HECA: variants seen among roughly 807,000 people sequenced by gnomAD.
HECA encodes headcase protein homolog.
HECA carries 13 observed loss-of-function variants against 37.6 expected under a neutral mutation model. That is an observed-to-expected ratio of 0.35 (90% CI 0.23 to 0.55). The LOEUF (loss-of-function observed/expected upper bound fraction) is 0.55. Ranked by LOEUF, HECA falls within the 20% of genes least tolerant of loss-of-function variation. The pLI is 0.90. For synonymous variants in HECA, 307 were observed against 291.5 expected (o/e 1.05, Z -0.54); for missense variants, 527 against 701.9 (o/e 0.75, Z 2.82).
At chr6:139,144,318 G>A (rs1774553129) in intron 1 of HECA, 1 of 152,252 alleles carries the variant, frequency 6.6e-6, no homozygotes, top group Non-Finnish European at 1.5e-5. Flanking sequence ...GAAGCTGGCA[G>A]AGAGACATGG....
intron 1 of HECA, among the ~76,000 whole-genome samples, chr6:139,158,231 G>T (rs935133647): frequency 2.0e-5 from 3 of 151,716 alleles, no homozygotes; most frequent in Non-Finnish European, 4.4e-5. Context: ...GGCTGGGCTC[G>T]GTGGCTCATG....
At position 139,179,515 on chromosome 6, in the gene HECA, G is replaced by A. The variant is rs932165055; in HGVS notation, c.*2410G>A. On this transcript the variant is annotated 3_prime_UTR_variant, in exon 4 of 4. Coordinates refer to ENST00000367658, the MANE Select transcript of HECA (RefSeq NM_016217.3). ...AAAGTTTACTCTTGGACATTATTTC[G>A]ATGCTAAAGTAAGGATTCTGTGGAT... The A allele has an allele frequency of 6.6e-5, 10 of 152,110 alleles. No individual in the cohort carries two copies. Among genetic ancestry groups the A allele is most frequent in the African/African-American group, 1.9e-4 (8 of 41,420 alleles). 9.4% of individuals were successfully genotyped at this position (152,110 alleles called of 1,614,324 possible).
At chr6:139,140,514 G>A (rs1346503679) in intron 1 of HECA, among the ~76,000 whole-genome samples, 1 of 152,152 alleles carries the variant, frequency 6.6e-6, no homozygotes, top group African/African-American at 2.4e-5. Flanking sequence ...GCGCAGTCTC[G>A]TCTTTCTCTC....
chr6:139,159,393 A>G (rs920126320), intron 1 of HECA: 2 of 152,240 alleles, frequency 1.3e-5, no homozygotes, highest in Non-Finnish European at 2.9e-5. Flanking sequence ...TGTAATAACC[A>G]GTTCACTTTT....
At position 139,135,262 on chromosome 6, in the gene HECA, C is replaced by T. The variant is rs1228464510; in HGVS notation, c.-135C>T. ...GCGCGGCACGGGCCGTGCGGCTAGA[C>T]GGGAGCCGAGGGAACCGCCGGCTCG... On this transcript the variant is annotated 5_prime_UTR_variant, in exon 1 of 4. The change creates a new upstream start codon in the 5' untranslated region. Transcript: ENST00000367658. 1.5e-6 allele frequency: 1 copy of T among 680,394 alleles called. No homozygotes were observed. The highest frequency in any genetic ancestry group is 1.9e-6 in the Non-Finnish European group (1 of 523,754). 42.1% of individuals were successfully genotyped at this position (680,394 alleles called of 1,614,324 possible).
In HECA at chr6:139,180,358, C is replaced by T. The variant is rs1364217510; in HGVS notation, c.*3253C>T. ...TTTGTTTAGTCCTGCAAGACTGATG[C>T]TTAATACACAGTCTGTTCTCCTGTG... is the stretch of plus-strand genomic sequence containing the variant. On this transcript the variant is annotated 3_prime_UTR_variant, in exon 4 of 4. Coordinates refer to ENST00000367658, the MANE Select transcript of HECA (RefSeq NM_016217.3). 1 of 152,592 alleles carries T rather than the reference C, an allele frequency of 6.6e-6. No individual in the cohort carries two copies. The highest frequency in any genetic ancestry group is 1.5e-5 in the Non-Finnish European group (1 of 68,026). The allele number at this position is 152,592 out of a possible 1,614,324, so 9.5% of individuals were successfully genotyped here.
intron 1 of HECA, among the ~76,000 whole-genome samples, chr6:139,163,018 A>G (rs554427803): frequency 6.6e-6 from 1 of 151,962 alleles, no homozygotes; most frequent in East Asian, 1.9e-4. Context: ...CTCACTGTCT[A>G]CCTCTGACCT....
chr6:139,166,845 C>G lies in HECA; in HGVS notation c.833C>G (p.Ser278Cys), dbSNP rs376450330. ...GGCCAGTCCCCACCCACGGGCTACT[C>G]CATCCTCTCTCCTGCCCACTTCAGC... ...SPGQSPPTGYSILSPAHFSGP... is the reference protein window; with the variant it reads ...SPGQSPPTGYCILSPAHFSGP... The change falls in exon 2 of 4, where the codon TCC becomes TGC. Residue 278 changes from serine to cysteine, a missense_variant. Around this residue, in one of 4 missense-constraint regions of HECA, gnomAD observed 228 missense variants for 259.8 expected, o/e 0.88. Coordinates refer to ENST00000367658, the MANE Select transcript of HECA (RefSeq NM_016217.3). 1 of 1,613,902 alleles carries G rather than the reference C, an allele frequency of 6.2e-7. No homozygotes were observed. The highest frequency in any genetic ancestry group is 1.6e-4 in the Middle Eastern group (1 of 6,062).
intron 1 of HECA, among the ~76,000 whole-genome samples, chr6:139,149,660 C>G (rs984040568): frequency 6.6e-6 from 1 of 152,154 alleles, no homozygotes; most frequent in African/African-American, 2.4e-5. Flanking sequence ...AAGTTTGGAT[C>G]TGGGAGCTCT....
chr6:139,147,744 A>G (rs147542530), intron 1 of HECA, among the ~76,000 whole-genome samples: 4 of 152,366 alleles, frequency 2.6e-5, no homozygotes, highest in African/African-American at 9.6e-5. Context: ...TCTATCACAG[A>G]AGGACTTCCT....
intron 1 of HECA, among the ~76,000 whole-genome samples, chr6:139,142,038 T>G (rs1267739794): frequency 6.6e-6 from 1 of 151,004 alleles, no homozygotes; most frequent in Non-Finnish European, 1.5e-5. Context: ...GCCATTCTCC[T>G]GCCTCAGCCT....
rs1775098894 is a variant in HECA at position 139,179,176 on chromosome 6, T to A, written c.*2071T>A. On this transcript the variant is annotated 3_prime_UTR_variant, in exon 4 of 4. Coordinates refer to ENST00000367658, the MANE Select transcript of HECA (RefSeq NM_016217.3). ...TGTAGTGGTGAATTAACTATCTCCT[T>A]ATTGATTCTCTCCTGTACCCAGATG... is the stretch of plus-strand genomic sequence containing the variant. 6.6e-6 allele frequency: 1 copy of A among 152,256 alleles called. No individual in the cohort carries two copies. The highest frequency in any genetic ancestry group is 1.5e-5 in the Non-Finnish European group (1 of 68,042). The allele number at this position is 152,256 out of a possible 1,614,324, so 9.4% of individuals were successfully genotyped here.
chr6:139,177,378 G>T lies in HECA; in HGVS notation c.*273G>T. On this transcript the variant is annotated 3_prime_UTR_variant, in exon 4 of 4. Transcript: ENST00000367658. This position sits in a 1 kb window ranked among gnomAD's most constrained non-coding sequence, Gnocchi z 4.9. ...ATCTTTGATGCAGCTTTAAGATGGTGGGGAGGATGGGGTGAATTTAGGAAA... is the reference window on the plus strand; with the variant it reads ...ATCTTTGATGCAGCTTTAAGATGGTTGGGAGGATGGGGTGAATTTAGGAAA... 4.0e-6 allele frequency: 1 copy of T among 250,846 alleles called. No homozygotes were observed. The highest frequency in any genetic ancestry group is 2.2e-5 in the African/African-American group (1 of 45,154). 15.5% of individuals were successfully genotyped at this position (250,846 alleles called of 1,614,324 possible).
At chr6:139,144,413 C>G (rs991874495) in intron 1 of HECA, 2 of 152,298 alleles carry the variant, frequency 1.3e-5, no homozygotes, top group African/African-American at 4.8e-5. Context: ...TGAGCTGAGT[C>G]TTGCAGGAAG....
chr6:139,147,004 A>G (rs963778664), intron 1 of HECA, among the ~76,000 whole-genome samples: 4 of 152,214 alleles, frequency 2.6e-5, no homozygotes, highest in Non-Finnish European at 5.9e-5. Context: ...TGACAGGAAA[A>G]GTGAAGTTGC....
chr6:139,170,649 G>C (rs969907272), intron 2 of HECA: 2 of 152,244 alleles, frequency 1.3e-5, no homozygotes, highest in Non-Finnish European at 2.9e-5. Flanking sequence ...TTGGAGCCAA[G>C]GGTGTTCTAG....
At chr6:139,168,365 C>T (rs1774922850) in intron 2 of HECA, among the ~76,000 whole-genome samples, 1 of 150,900 alleles carries the variant, frequency 6.6e-6, no homozygotes, top group Non-Finnish European at 1.5e-5. Context: ...TATATAGTAC[C>T]ATATAGTCTA....
intron 1 of HECA, among the ~76,000 whole-genome samples, chr6:139,150,335 A>C (rs895805908): frequency 2.6e-5 from 4 of 152,288 alleles, no homozygotes; most frequent in Non-Finnish European, 5.9e-5. Flanking sequence ...CTGACAAAAA[A>C]CAATCTGTTA....
chr6:139,165,251 T>A (rs541441903), intron 1 of HECA, among the ~76,000 whole-genome samples: 4 of 152,282 alleles, frequency 2.6e-5, no homozygotes, highest in South Asian at 4.1e-4. Flanking sequence ...TTTCTCATTT[T>A]AAAAAAACAG....
Sources: gnomAD v4.1 joint callset for allele counts (sites outside exome capture counted in the v4.1 genomes callset) on GRCh38, gnomAD v4.1.1 for gene constraint, gnomAD v4.1.1 regional missense constraint, Gnocchi (gnomAD v3.1) non-coding constraint, MANE v1.5 for transcripts, NCBI Gene and HGNC (gene_info 2026-07-23, HGNC 2026-07-21) for gene names.